The following TBCD variants were observed in gnomAD, a reference collection of about 807,000 sequenced individuals.
TBCD encodes the protein tubulin-specific chaperone D.
TBCD carries 105 observed loss-of-function variants against 169.3 expected under a neutral mutation model. The observed-to-expected ratio is 0.62, with a 90% CI of 0.53 to 0.73. TBCD has a LOEUF of 0.73. TBCD is among the 30% of genes least tolerant of loss of function. The pLI, the probability that TBCD is intolerant of heterozygous loss-of-function variation, is 0.00. For synonymous variants in TBCD, 700 were observed against 643.9 expected, an observed-to-expected ratio of 1.09 and a Z score of -1.32; for missense variants, 1,444 against 1,600.1, an observed-to-expected ratio of 0.90 and a Z score of 1.66.
chr17:82,791,007 C>A (rs1435264161), intron 7 of TBCD, among the ~76,000 whole-genome samples: 1 of 150,882 alleles, frequency 6.6e-6, no homozygotes, highest in Non-Finnish European at 1.5e-5. Flanking sequence ...CCGTGGGCTG[C>A]TTGGTGGCTT....
Position 82,831,047 on chromosome 17 carries a change from C to T in TBCD, c.1318+16113C>T, listed in dbSNP as rs2053460067. The T allele has an allele frequency of 1.2e-6, 2 of 1,614,082 alleles. No individual in the cohort carries two copies. Among genetic ancestry groups the T allele is most frequent in the South Asian group, 2.2e-5 (2 of 91,090 alleles). ...ACTGGAGACTCTGCTGTGGTCTCAG[C>T]AGCCTGGGCAGGTAGGCATTCTGTG... On this transcript the variant is annotated intron_variant, in intron 13 of 38. Coordinates refer to ENST00000355528, the MANE Select transcript of TBCD (RefSeq NM_005993.5). The surrounding 1 kb of genome is among the most constrained non-coding windows in gnomAD (Gnocchi z 4.6).
intron 2 of TBCD, 118 bp from the exon 3 acceptor site, chr17:82,763,847 C>A: frequency 1.3e-6 from 1 of 778,848 alleles, no homozygotes; most frequent in Non-Finnish European, 2.2e-6. Context: ...TCAAATGATC[C>A]TCCCACCTTG....
At chr17:82,937,399 G>A (rs755740022) in intron 35 of TBCD, 39 bp downstream of exon 35, 1 of 1,589,746 alleles carries the variant, frequency 6.3e-7, no homozygotes, top group Admixed American at 1.7e-5. Flanking sequence ...CGGAATGGCA[G>A]GGCGCAGCCT....
intron 6 of TBCD, among the ~76,000 whole-genome samples, chr17:82,778,594 G>C (rs1394256619): frequency 2.0e-5 from 3 of 151,254 alleles, no homozygotes; most frequent in Admixed American, 2.0e-4. Context: ...CAGTAGCTGG[G>C]ACTGCAGGCG....
At chr17:82,887,478 G>A (rs1386477054) in intron 15 of TBCD, among the ~76,000 whole-genome samples, 1 of 152,168 alleles carries the variant, frequency 6.6e-6, no homozygotes, top group African/African-American at 2.4e-5. Context: ...GGTGGGTGGT[G>A]CTGGTTTGCT....
intron 15 of TBCD, among the ~76,000 whole-genome samples, chr17:82,887,378 C>T (rs183789145): frequency 2.4e-4 from 36 of 152,234 alleles, no homozygotes; most frequent in Admixed American, 2.2e-3. Flanking sequence ...ATTCTGTCAT[C>T]TCGAGAATGC....
At chr17:82,912,886 G>T (rs1278928541) in intron 23 of TBCD, 2 of 152,282 alleles carry the variant, frequency 1.3e-5, no homozygotes, top group African/African-American at 2.4e-5. Context: ...TCTGATGGAC[G>T]TCACGGGAAA....
At position 82,831,285 on chromosome 17, in the gene TBCD, A is replaced by G. The variant is rs1417379593; in HGVS notation, c.1318+16351A>G. 6.2e-7 allele frequency: 1 copy of G among 1,613,898 alleles called. No homozygotes were observed. Among genetic ancestry groups the G allele is most frequent in the Non-Finnish European group, 8.5e-7 (1 of 1,180,026 alleles). On this transcript the variant is annotated intron_variant, in intron 13 of 38. Coordinates refer to ENST00000355528, the MANE Select transcript of TBCD (RefSeq NM_005993.5). The surrounding 1 kb of genome is among the most constrained non-coding windows in gnomAD (Gnocchi z 4.6). Reference sequence around the variant, plus strand: ...TGGACCCTTCCGTGTCTCTCTGCCCAGCCTTGGAGGAGTCTTTAGCCTCAG... The same window carrying G: ...TGGACCCTTCCGTGTCTCTCTGCCCGGCCTTGGAGGAGTCTTTAGCCTCAG...
chr17:82,809,910 C>A, intron 12 of TBCD, 128 bp downstream of exon 12: 2 of 798,990 alleles, frequency 2.5e-6, no homozygotes, highest in Non-Finnish European at 4.0e-6. Flanking sequence ...TCTTTTTTCC[C>A]CCTTTTGAAG....
At position 82,920,495 on chromosome 17, in the gene TBCD, G is replaced by T. The variant is rs551805677; in HGVS notation, c.2039-61G>T. On this transcript the variant is annotated intron_variant, in intron 23 of 38. Transcript: ENST00000355528. The surrounding 1 kb of genome is among the most constrained non-coding windows in gnomAD (Gnocchi z 4.1). ...ACTCAGAATGTGGCAAAGGCAAGCCGCTGTGGCAGGCGCTTTTAGAAAAGT... is the reference window on the plus strand; with the variant it reads ...ACTCAGAATGTGGCAAAGGCAAGCCTCTGTGGCAGGCGCTTTTAGAAAAGT... 9.1e-6 allele frequency: 13 copies of T among 1,435,348 alleles called. No individual in the cohort carries two copies. The highest frequency in any genetic ancestry group is 6.3e-5 in the Admixed American group (3 of 47,424). 88.9% of individuals were successfully genotyped at this position (1,435,348 alleles called of 1,614,324 possible). A position where few individuals can be genotyped will look rare whatever the true frequency, so the allele number is the denominator to read the frequency against.
chr17:82,861,947 C>G (rs1037518155), intron 13 of TBCD, among the ~76,000 whole-genome samples: 4 of 150,812 alleles, frequency 2.7e-5, no homozygotes, highest in Non-Finnish European at 4.4e-5. Context: ...GACAGAGTCT[C>G]GCTGTCGCCC....
rs550091135 is a variant in TBCD, at chr17:82,855,271, T to A, written c.1319-14953T>A. Among the ~76,000 whole-genome samples the A allele has an allele frequency of 8.8e-4, 81 of 92,272 alleles. 2 individuals are homozygous for A. In the South Asian group the frequency reaches 0.015, roughly 17 times the overall value. The allele number at this position is 92,272 out of a possible 152,430, so 60.5% of individuals were successfully genotyped here. A position where few individuals can be genotyped will look rare whatever the true frequency, so the allele number is the denominator to read the frequency against. On this transcript the variant is annotated intron_variant, in intron 13 of 38. Coordinates refer to ENST00000355528, the MANE Select transcript of TBCD (RefSeq NM_005993.5). ...TTTTTTTTTTTTTTTTTTTTTTTTT[T>A]AATTTTTTAGAGCCAGGGTCACTCT...
At chr17:82,900,601 G>A (rs762662310) in intron 17 of TBCD, 50 bp from the exon 18 acceptor site, 5 of 1,456,680 alleles carry the variant, frequency 3.4e-6, no homozygotes, top group Non-Finnish European at 3.9e-6. Flanking sequence ...CACAGGCAGT[G>A]AGTTCTCGTT....
intron 11 of TBCD, among the ~76,000 whole-genome samples, chr17:82,808,133 C>T (rs1057000158): frequency 6.6e-6 from 1 of 152,152 alleles, no homozygotes; most frequent in Non-Finnish European, 1.5e-5. Context: ...CAGTGGAGGT[C>T]GTGGGGCAGA....
intron 13 of TBCD, among the ~76,000 whole-genome samples, chr17:82,846,032 GGCACA>G (rs1265803100): frequency 6.6e-6 from 1 of 152,248 alleles, no homozygotes; most frequent in Non-Finnish European, 1.5e-5. Context: ...ATCCCCCGAG[GGCACA>G]GCTTCAGGAA....
intron 13 of TBCD, chr17:82,829,853 A>T: frequency 2.2e-6 from 1 of 449,086 alleles, no homozygotes; most frequent in Non-Finnish European, 4.0e-6. Flanking sequence ...ATAAGGAAAC[A>T]TTTATAAAAG....
intron 13 of TBCD, among the ~76,000 whole-genome samples, chr17:82,865,743 G>A (rs1458939112): frequency 6.6e-6 from 1 of 152,326 alleles, no homozygotes; most frequent in East Asian, 1.9e-4. Flanking sequence ...TTTGTGGAGG[G>A]ATTATTTCTA....
chr17:82,758,404 T>TAAAAAAA (rs1312618695), intron 2 of TBCD, among the ~76,000 whole-genome samples: 1 of 79,428 alleles, frequency 1.3e-5, no homozygotes, highest in Admixed American at 2.0e-4. Context: ...AAAAAAAAAA[T>TAAAAAAA]AAATAAATAA....
chr17:82,920,028 C>A lies in TBCD; in HGVS notation c.2039-528C>A, dbSNP rs1290063644. On this transcript the variant is annotated intron_variant, in intron 23 of 38. Transcript: ENST00000355528. The surrounding 1 kb of genome is among the most constrained non-coding windows in gnomAD (Gnocchi z 4.1). The stretch of plus-strand genomic sequence containing the variant: ...TGTGTGGCCGTGGGAGCTGCTGATG[C>A]TGTCCAGTCGTCTCTGTCTCGTGCG... 6.6e-6 allele frequency among the ~76,000 whole-genome samples: 1 copy of A among 152,232 alleles called. No homozygotes were observed. Among genetic ancestry groups the A allele is most frequent in the East Asian group, 1.9e-4 (1 of 5,192 alleles).
Sources: allele counts gnomAD v4.1 joint callset (sites outside exome capture counted in the v4.1 genomes callset), GRCh38; gene constraint gnomAD v4.1.1; non-coding constraint Gnocchi (gnomAD v3.1); transcripts MANE v1.5; gene names NCBI Gene and HGNC (gene_info 2026-07-23, HGNC 2026-07-21).